SYNE1: variants seen among roughly 807,000 people sequenced by gnomAD.
The protein encoded by SYNE1 is spectrin repeat containing nuclear envelope protein 1.
In SYNE1, 616 loss-of-function variants were observed where a neutral mutation model predicts 1,111.0. That is an observed-to-expected ratio of 0.55 (90% CI 0.52 to 0.59). The LOEUF (loss-of-function observed/expected upper bound fraction) is 0.59. Among genes scored for constraint, SYNE1 ranks in the 20% least tolerant of loss-of-function variants. The pLI is 0.00. For synonymous variants in SYNE1, 3,855 were observed against 3,825.8 expected, an observed-to-expected ratio of 1.01 and a Z score of -0.28; for missense variants, 10,006 against 10,417.0, an observed-to-expected ratio of 0.96 and a Z score of 1.72.
Position 152,399,717 on chromosome 6 carries a change from C to G in SYNE1, c.7136G>C (p.Gly2379Ala), listed in dbSNP as rs755521801. 1.2e-6 allele frequency: 2 copies of G among 1,614,152 alleles called. No homozygotes were observed. The highest frequency in any genetic ancestry group is 1.7e-6 in the Non-Finnish European group (2 of 1,180,016). ...CTTTATCAGACCAGTCATTGCACGG[C>G]CCAGGCTCTCCAACTCAGCTGAGTG... Reference protein sequence around the residue: ...KYHSAELESLGRAMTGLIKKH... With the variant: ...KYHSAELESLARAMTGLIKKH... The change falls in exon 48 of 146, where the codon GGC becomes GCC. Residue 2379 changes from glycine to alanine, a missense_variant. Physicochemically the swap from Gly to Ala is moderately conservative, Grantham distance 60 (BLOSUM62 0). Coordinates refer to ENST00000367255, the MANE Select transcript of SYNE1 (RefSeq NM_182961.4).
chr6:152,199,237 C>A (rs1587626660), intron 127 of SYNE1, among the ~76,000 whole-genome samples: 1 of 152,090 alleles, frequency 6.6e-6, no homozygotes, highest in Non-Finnish European at 1.5e-5. Context: ...TTACTTTAGA[C>A]TGACTTCATA....
intron 11 of SYNE1, among the ~76,000 whole-genome samples, chr6:152,492,413 C>T (rs965333478): frequency 6.6e-6 from 1 of 152,218 alleles, no homozygotes; most frequent in East Asian, 1.9e-4. Flanking sequence ...CTCCAGCACA[C>T]AAGAACTTCA....
At chr6:152,564,702 A>G (rs2099406199) in intron 3 of SYNE1, among the ~76,000 whole-genome samples, 1 of 143,762 alleles carries the variant, frequency 7.0e-6, no homozygotes, top group African/African-American at 3.0e-5. Context: ...TTTCTAGGGA[A>G]AAAAAAATCA....
intron 87 of SYNE1, among the ~76,000 whole-genome samples, chr6:152,311,629 G>A (rs976339370): frequency 6.6e-5 from 10 of 152,190 alleles, no homozygotes; most frequent in African/African-American, 2.2e-4. Flanking sequence ...TGACAGATGA[G>A]GGGGAAGAGG....
At chr6:152,504,199 G>C (rs552051016) in intron 9 of SYNE1, among the ~76,000 whole-genome samples, 2 of 152,096 alleles carry the variant, frequency 1.3e-5, no homozygotes, top group African/African-American at 4.8e-5. Flanking sequence ...ATTTATTTTT[G>C]TGCAGAAAGA....
chr6:152,562,513 A>C (rs1482441631), intron 3 of SYNE1, among the ~76,000 whole-genome samples: 3 of 152,200 alleles, frequency 2.0e-5, no homozygotes, highest in Non-Finnish European at 2.9e-5. Context: ...TTAAAAATAG[A>C]AGTACCATAT....
intron 3 of SYNE1, among the ~76,000 whole-genome samples, chr6:152,550,111 G>C (rs2099332930): frequency 6.6e-6 from 1 of 152,124 alleles, no homozygotes; most frequent in Admixed American, 6.5e-5. Context: ...CTACACCCTA[G>C]TGATATATCT....
intron 61 of SYNE1, chr6:152,368,338 C>T (rs2097119350): frequency 6.5e-6 from 1 of 153,216 alleles, no homozygotes; most frequent in Admixed American, 6.5e-5. Flanking sequence ...GCTGAATGTT[C>T]TAAATGAGAT....
chr6:152,239,980 C>T lies in SYNE1; in HGVS notation c.19894-274G>A, dbSNP rs150251988. On this transcript the variant is annotated intron_variant, in intron 107 of 145. Transcript: ENST00000367255. ...GGCTGAGGCACAAGAATCGCTTGAA[C>T]CTGGGAGGCCGAGGTTGCAGTGAGC... Among the ~76,000 whole-genome samples, 746 of 152,312 alleles carry T rather than the reference C, an allele frequency of 4.9e-3. 5 individuals are homozygous for T. The highest frequency in any genetic ancestry group is 0.017 in the African/African-American group (714 of 41,560).
At chr6:152,319,149 T>C in intron 84 of SYNE1, 134 bp from the exon 85 acceptor site, 1 of 1,260,156 alleles carries the variant, frequency 7.9e-7, no homozygotes, top group South Asian at 1.3e-5. Context: ...ACCAGCGATG[T>C]GCGATTAGTT....
chr6:152,197,090 G>A (rs921498054), intron 127 of SYNE1, among the ~76,000 whole-genome samples: 2 of 152,252 alleles, frequency 1.3e-5, no homozygotes, highest in African/African-American at 4.8e-5. Flanking sequence ...CTCCTTCCTC[G>A]ATATGCACAG....
At chr6:152,594,803 T>C (rs2099576334) in intron 3 of SYNE1, among the ~76,000 whole-genome samples, 2 of 152,146 alleles carry the variant, frequency 1.3e-5, no homozygotes, top group African/African-American at 4.8e-5. Context: ...AATCAGACTT[T>C]CATCCTCATG....
chr6:152,273,790 C>T (rs1280409257), intron 98 of SYNE1, among the ~76,000 whole-genome samples: 1 of 152,150 alleles, frequency 6.6e-6, no homozygotes, highest in Non-Finnish European at 1.5e-5. Flanking sequence ...GACAGGAGAC[C>T]AGCTTGCCAA....
chr6:152,538,533 A>C (rs1016669353), intron 4 of SYNE1, among the ~76,000 whole-genome samples: 2 of 151,856 alleles, frequency 1.3e-5, no homozygotes, highest in African/African-American at 4.8e-5. Context: ...GATTACTTTT[A>C]CTTTCTTTAC....
intron 30 of SYNE1, among the ~76,000 whole-genome samples, chr6:152,442,463 ATTTGGCTTTCGTG>A: frequency 6.6e-6 from 1 of 152,304 alleles, no homozygotes; most frequent in Non-Finnish European, 1.5e-5. Context: ...AACATAAATA[ATTTGGCTTTCGTG>A]TTTTGTGTGC....
chr6:152,291,115 G>GATATATTAATATATA (rs1562825369), intron 95 of SYNE1, among the ~76,000 whole-genome samples: 89 of 110,168 alleles, frequency 8.1e-4, no homozygotes, highest in African/African-American at 2.8e-3. Context: ...ATTAATATAT[G>GATATATTAATATATA]CAATTATATT....
rs188531462 is a variant in SYNE1, at chr6:152,309,741, G to A, written c.17202+94C>T. Reference sequence around the variant, plus strand: ...ACAGCCTGTCAGATTCAACACCCTGGATGTGTTTTGATGGCTGAGCCCACA... The same window carrying A: ...ACAGCCTGTCAGATTCAACACCCTGAATGTGTTTTGATGGCTGAGCCCACA... On this transcript the variant is annotated intron_variant, in intron 90 of 145. Coordinates refer to ENST00000367255, the MANE Select transcript of SYNE1 (RefSeq NM_182961.4). 8,249 of 1,492,716 alleles carry A rather than the reference G, an allele frequency of 5.5e-3. 39 individuals carry two copies. Among genetic ancestry groups the A allele is most frequent in the Non-Finnish European group, 6.9e-3 (7,547 of 1,086,170 alleles). 92.5% of individuals were successfully genotyped at this position (1,492,716 alleles called of 1,614,324 possible).
At position 152,458,916 on chromosome 6, in the gene SYNE1, G is replaced by A. The variant is rs772684008; in HGVS notation, c.2409C>T (p.Tyr803=). Residue 803 remains tyrosine (Y), a synonymous_variant, in exon 22 of 146, where the codon TAC becomes TAT. Coordinates refer to ENST00000367255, the MANE Select transcript of SYNE1 (RefSeq NM_182961.4). ...GCTGAGACTCATAAAGGAGTGGGGA[G>A]TAACATTCTTTGACCTTTAAAAACA... ...KEQLTKVKEC[Y]SPLLYESQQL... 1 of 1,613,946 alleles carries A rather than the reference G, an allele frequency of 6.2e-7. No homozygotes were observed. Among genetic ancestry groups the A allele is most frequent in the Non-Finnish European group, 8.5e-7 (1 of 1,179,912 alleles).
intron 3 of SYNE1, among the ~76,000 whole-genome samples, chr6:152,605,002 A>G (rs867170784): frequency 6.8e-4 from 17 of 24,910 alleles, no homozygotes; most frequent in South Asian, 2.4e-3. Flanking sequence ...GAAAGAAAGA[A>G]AGAAAGAGAG....
Sources: allele counts gnomAD v4.1 joint callset (sites outside exome capture counted in the v4.1 genomes callset), GRCh38; gene constraint gnomAD v4.1.1; transcripts MANE v1.5; gene names NCBI Gene and HGNC (gene_info 2026-07-23, HGNC 2026-07-21).